Variants in CARMIL1 observed in about 807,000 individuals in gnomAD.
The protein encoded by CARMIL1 is capping protein regulator and myosin 1 linker 1.
A neutral mutation model predicts 177.1 loss-of-function variants in CARMIL1; 90 were observed. The observed-to-expected ratio is 0.51, with a 90% CI of 0.43 to 0.61. The LOEUF (loss-of-function observed/expected upper bound fraction) is 0.61. Ranked by LOEUF, CARMIL1 falls within the 20% of genes least tolerant of loss-of-function variation. The pLI is 0.00. For missense variants in CARMIL1, 1,380 were observed against 1,667.0 expected, an observed-to-expected ratio of 0.83 and a Z score of 3.00; for synonymous variants, 577 against 606.2, an observed-to-expected ratio of 0.95 and a Z score of 0.71.
Position 25,520,297 on chromosome 6 carries a change from TA to T in CARMIL1, c.1933del (p.Thr645GlnfsTer13). The T allele has an allele frequency of 6.4e-7, 1 of 1,565,398 alleles. No individual in the cohort carries two copies. Among genetic ancestry groups the T allele is most frequent in the Non-Finnish European group, 8.7e-7 (1 of 1,153,714 alleles). The part of the protein sequence containing the change: ...PIPMYDASQA[L>X]KTNPEKTEDA... ...CCTATGTATGATGCTTCTCAAGCCC[TA>T]AAAACAAACCCTGAAAAAACAGAAG... On this transcript the variant is annotated frameshift_variant, in exon 23 of 37. Transcript: ENST00000329474. LOFTEE classifies it high-confidence loss of function.
intron 26 of CARMIL1, among the ~76,000 whole-genome samples, chr6:25,548,529 A>C (rs1011454918): frequency 6.6e-6 from 1 of 152,142 alleles, no homozygotes; most frequent in Non-Finnish European, 1.5e-5. Context: ...GTTGAGACTC[A>C]CTGGAATAAC....
At chr6:25,522,006 G>A (rs535148657) in intron 23 of CARMIL1, among the ~76,000 whole-genome samples, 1 of 152,250 alleles carries the variant, frequency 6.6e-6, no homozygotes, top group East Asian at 1.9e-4. Context: ...TCAGATCACA[G>A]TGTTACCACC....
At chr6:25,494,275 A>G (rs12526321) in intron 15 of CARMIL1, among the ~76,000 whole-genome samples, 20,924 of 152,062 alleles carry the variant, frequency 0.14, 1,903 homozygotes, top group South Asian at 0.24. Context: ...AATATGAATA[A>G]CTATCGTTAA....
chr6:25,481,736 T>C (rs1802139760), intron 11 of CARMIL1, among the ~76,000 whole-genome samples: 1 of 152,222 alleles, frequency 6.6e-6, no homozygotes, highest in South Asian at 2.1e-4. Flanking sequence ...TTACAAAATC[T>C]ACTTTTAAGA....
At chr6:25,437,425 T>A (rs908006702) in intron 5 of CARMIL1, among the ~76,000 whole-genome samples, 1 of 152,210 alleles carries the variant, frequency 6.6e-6, no homozygotes, top group Non-Finnish European at 1.5e-5. Context: ...TGAGTAAGAA[T>A]AGTATTTTCA....
intron 8 of CARMIL1, among the ~76,000 whole-genome samples, chr6:25,461,717 C>T (rs1001622796): frequency 6.6e-6 from 1 of 152,132 alleles, no homozygotes; most frequent in Admixed American, 6.5e-5. Flanking sequence ...GATCAGATGT[C>T]AAGTATCTGT....
intron 2 of CARMIL1, among the ~76,000 whole-genome samples, chr6:25,345,985 C>T (rs527815385): frequency 3.9e-5 from 6 of 152,312 alleles, no homozygotes; most frequent in East Asian, 1.9e-4. Context: ...ATCTTCAAAA[C>T]GTATCCAGAG....
At position 25,300,759 on chromosome 6, in the gene CARMIL1, A is replaced by C. The variant is rs556989578; in HGVS notation, c.138+15850A>C. Reference sequence around the variant, plus strand: ...TGCGATCTGTTTTAACAAGCCCTTCAGGTCATTTTGATGCACACTGAAGTT... The same window carrying C: ...TGCGATCTGTTTTAACAAGCCCTTCCGGTCATTTTGATGCACACTGAAGTT... On this transcript the variant is annotated intron_variant, in intron 2 of 36. Coordinates refer to ENST00000329474, the MANE Select transcript of CARMIL1 (RefSeq NM_017640.6). Among the ~76,000 whole-genome samples the C allele has an allele frequency of 2.1e-3, 322 of 152,376 alleles. 4 individuals carry two copies. The highest frequency in any genetic ancestry group is 6.8e-3 in the Middle Eastern group (2 of 294).
At chr6:25,312,715 G>T (rs1783928957) in intron 2 of CARMIL1, among the ~76,000 whole-genome samples, 1 of 149,644 alleles carries the variant, frequency 6.7e-6, no homozygotes. Context: ...GTAGCTTTTG[G>T]AATTTTCCAT....
intron 35 of CARMIL1, 85 bp from the exon 36 acceptor site, chr6:25,609,965 A>C: frequency 2.2e-6 from 3 of 1,378,264 alleles, no homozygotes; most frequent in Non-Finnish European, 2.9e-6. Context: ...TAAATGACTT[A>C]TTTTTATATA....
chr6:25,602,562 ATC>A (rs1815529948), intron 33 of CARMIL1, among the ~76,000 whole-genome samples: 1 of 152,220 alleles, frequency 6.6e-6, no homozygotes, highest in Admixed American at 6.5e-5. Context: ...AGTATTAATG[ATC>A]TGTTAGCGCC....
chr6:25,359,285 C>T (rs1462828578), intron 2 of CARMIL1, among the ~76,000 whole-genome samples: 1 of 152,188 alleles, frequency 6.6e-6, no homozygotes, highest in Non-Finnish European at 1.5e-5. Flanking sequence ...CTTTAATGTG[C>T]TTTTCAGTGA....
At chr6:25,311,738 A>G (rs897309098) in intron 2 of CARMIL1, among the ~76,000 whole-genome samples, 2 of 152,196 alleles carry the variant, frequency 1.3e-5, no homozygotes, top group East Asian at 1.9e-4. Flanking sequence ...CCCATCAGAA[A>G]CAATGGCACA....
intron 2 of CARMIL1, among the ~76,000 whole-genome samples, chr6:25,337,265 GGTTGA>G (rs1374939366): frequency 6.6e-6 from 1 of 152,130 alleles, no homozygotes; most frequent in Non-Finnish European, 1.5e-5. Context: ...AAATGTTGAT[GGTTGA>G]GCTTCCAGTA....
rs189841024 is a variant in CARMIL1 at position 25,299,073 on chromosome 6, G to A, written c.138+14164G>A. On this transcript the variant is annotated intron_variant, in intron 2 of 36. Transcript: ENST00000329474. ...GGCCGATTGCTTTTATTTTATAGCCGGTCCTTGATCGGGGGTGCAGGGTGC... is the reference window on the plus strand; with the variant it reads ...GGCCGATTGCTTTTATTTTATAGCCAGTCCTTGATCGGGGGTGCAGGGTGC... Among the ~76,000 whole-genome samples the A allele has an allele frequency of 2.1e-3, 324 of 151,166 alleles. 5 individuals are homozygous for A. Among genetic ancestry groups the A allele is most frequent in the South Asian group, 0.019 (91 of 4,778 alleles).
intron 8 of CARMIL1, among the ~76,000 whole-genome samples, chr6:25,460,894 C>T (rs1044715249): frequency 6.6e-6 from 1 of 152,128 alleles, no homozygotes; most frequent in Non-Finnish European, 1.5e-5. Context: ...CTTATGTCCA[C>T]CATTTAACAC....
chr6:25,304,057 G>C (rs796978211), intron 2 of CARMIL1, among the ~76,000 whole-genome samples: 3 of 152,348 alleles, frequency 2.0e-5, no homozygotes, highest in African/African-American at 7.2e-5. Flanking sequence ...ATTTACACTT[G>C]TTGATTGTGT....
In CARMIL1 at chr6:25,619,854, T is replaced by A. The variant is rs893138471; in HGVS notation, c.*271T>A. The A allele has an allele frequency of 1.4e-5, 3 of 213,920 alleles. No homozygotes were observed. Among genetic ancestry groups the A allele is most frequent in the Admixed American group, 6.0e-5 (1 of 16,776 alleles). 13.3% of individuals were successfully genotyped at this position (213,920 alleles called of 1,614,324 possible). On this transcript the variant is annotated 3_prime_UTR_variant, in exon 37 of 37. Coordinates refer to ENST00000329474, the MANE Select transcript of CARMIL1 (RefSeq NM_017640.6). ...TTTGATTTCTAAACATTCCTTCATA[T>A]GCCTTTAATGAAAGCCAGCAATTAT...
chr6:25,620,208 G>T lies in CARMIL1; in HGVS notation c.*625G>T, dbSNP rs930306602. On this transcript the variant is annotated 3_prime_UTR_variant, in exon 37 of 37. Transcript: ENST00000329474. The stretch of plus-strand genomic sequence containing the variant: ...ATGTGGAATTGTACATTTAAAGCTT[G>T]GTCGGTGACCTTTGCATACCATCAA... 6.6e-6 allele frequency: 1 copy of T among 152,490 alleles called. No homozygotes were observed. The highest frequency in any genetic ancestry group is 1.5e-5 in the Non-Finnish European group (1 of 68,036). The allele number at this position is 152,490 out of a possible 1,614,324, so 9.4% of individuals were successfully genotyped here.
Sources: allele counts gnomAD v4.1 joint callset (sites outside exome capture counted in the v4.1 genomes callset), GRCh38; gene constraint gnomAD v4.1.1; transcripts MANE v1.5; gene names NCBI Gene and HGNC (gene_info 2026-07-23, HGNC 2026-07-21).